Variants in STPG2 observed in about 807,000 individuals in gnomAD.
STPG2 encodes the protein sperm-tail PG-rich repeat-containing protein 2.
STPG2 carries 56 observed loss-of-function variants against 54.2 expected under a neutral mutation model. The observed-to-expected ratio is 1.03, with a 90% CI of 0.83 to 1.29. The LOEUF (loss-of-function observed/expected upper bound fraction) is 1.29. Among genes scored for constraint, STPG2 ranks in the 50% most tolerant of loss-of-function variants. The probability of loss-of-function intolerance (pLI) is 0.00; values close to 1 mark genes in which losing one functional copy is unlikely to be tolerated. For synonymous variants in STPG2, 200 were observed against 181.8 expected (o/e 1.10, Z -0.81); for missense variants, 596 against 544.9 (o/e 1.09, Z -0.93).
At chr4:97,449,105 C>T (rs987555939) in intron 4 of STPG2, among the ~76,000 whole-genome samples, 5 of 151,764 alleles carry the variant, frequency 3.3e-5, no homozygotes, top group Admixed American at 6.6e-5. Context: ...ATAAAAGTTA[C>T]AAGTCATGAA....
At chr4:97,579,175 G>T (rs546376705) in intron 10 of STPG2, among the ~76,000 whole-genome samples, 1 of 151,928 alleles carries the variant, frequency 6.6e-6, no homozygotes, top group African/African-American at 2.4e-5. Context: ...ATTAGTTATG[G>T]CTATTAAATG....
At chr4:97,916,413 A>T (rs1370279921) in intron 8 of STPG2, 1 of 152,624 alleles carries the variant, frequency 6.6e-6, no homozygotes, top group Non-Finnish European at 1.5e-5. Flanking sequence ...GGAAGGCATC[A>T]CTGACCTCCT....
At chr4:97,957,826 A>G (rs2149245573) in intron 7 of STPG2, among the ~76,000 whole-genome samples, 1 of 152,306 alleles carries the variant, frequency 6.6e-6, no homozygotes, top group South Asian at 2.1e-4. Context: ...ACTGAGCTTC[A>G]GGAATGAAGG....
chr4:97,595,377 C>T (rs1213448590), intron 10 of STPG2, among the ~76,000 whole-genome samples: 2 of 151,992 alleles, frequency 1.3e-5, no homozygotes, highest in African/African-American at 2.4e-5. Context: ...CATGTTCTCA[C>T]TCATAGGTGG....
intron 8 of STPG2, among the ~76,000 whole-genome samples, chr4:97,885,136 G>A (rs943871578): frequency 7.3e-5 from 11 of 151,424 alleles, no homozygotes; most frequent in African/African-American, 2.7e-4. Context: ...ATATCAATGT[G>A]GGAAAGTCTA....
intron 4 of STPG2, among the ~76,000 whole-genome samples, chr4:97,453,152 G>T (rs1455159040): frequency 6.6e-6 from 1 of 152,190 alleles, no homozygotes; most frequent in Non-Finnish European, 1.5e-5. Context: ...CCCTCTTTGG[G>T]GTCCTGCAGT....
intron 5 of STPG2, among the ~76,000 whole-genome samples, chr4:98,082,988 G>GCACTATATT (rs1168528162): frequency 6.6e-6 from 1 of 152,050 alleles, no homozygotes; most frequent in Non-Finnish European, 1.5e-5. Context: ...TGCCCTTATA[G>GCACTATATT]TATAAATAGC....
At chr4:97,673,962 A>G (rs1280297409) in intron 10 of STPG2, among the ~76,000 whole-genome samples, 1 of 152,214 alleles carries the variant, frequency 6.6e-6, no homozygotes, top group African/African-American at 2.4e-5. Flanking sequence ...AAATTTACTT[A>G]AAATGTCCTT....
chr4:98,011,006 C>T (rs1364695717), intron 5 of STPG2, among the ~76,000 whole-genome samples: 2 of 152,046 alleles, frequency 1.3e-5, no homozygotes, highest in African/African-American at 4.8e-5. Context: ...GCAGAACGTG[C>T]AGGTTTGATA....
intron 4 of STPG2, among the ~76,000 whole-genome samples, chr4:97,551,332 T>C (rs748439494): frequency 6.6e-6 from 1 of 152,100 alleles, no homozygotes; most frequent in Non-Finnish European, 1.5e-5. Flanking sequence ...TAATTAAAAA[T>C]TAATAAGCCT....
At chr4:97,518,449 T>A (rs1731118132) in intron 4 of STPG2, among the ~76,000 whole-genome samples, 1 of 152,096 alleles carries the variant, frequency 6.6e-6, no homozygotes, top group Non-Finnish European at 1.5e-5. Context: ...TATGACATGA[T>A]AACACAAATC....
chr4:97,695,624 G>T (rs946141810), intron 10 of STPG2, among the ~76,000 whole-genome samples: 3 of 151,714 alleles, frequency 2.0e-5, no homozygotes, highest in Non-Finnish European at 4.4e-5. Flanking sequence ...AAAGCCCCTA[G>T]AACTGAAAAA....
At chr4:97,941,514 T>C (rs1278524862) in intron 8 of STPG2, among the ~76,000 whole-genome samples, 7 of 152,058 alleles carry the variant, frequency 4.6e-5, no homozygotes, top group Admixed American at 4.6e-4. Context: ...GCTTATGTCA[T>C]GGTTTTTTTA....
At chr4:97,687,593 G>A (rs1443983577) in intron 10 of STPG2, among the ~76,000 whole-genome samples, 1 of 152,042 alleles carries the variant, frequency 6.6e-6, no homozygotes, top group East Asian at 1.9e-4. Context: ...ATCAGCCTTG[G>A]CCTCCCAAAG....
In STPG2 at chr4:97,848,477, C is replaced by A. The variant is rs552827984; in HGVS notation, c.1045-7545G>T. ...ATTAGTGAAAAATGACAGTAGGAAT[C>A]TAGGGGTATACAAGCTCCATAATAT... is the stretch of plus-strand genomic sequence containing the variant. On this transcript the variant is annotated intron_variant, in intron 8 of 10. Coordinates refer to ENST00000295268, the MANE Select transcript of STPG2 (RefSeq NM_174952.3). Among the ~76,000 whole-genome samples, 7 of 152,142 alleles carry A rather than the reference C, an allele frequency of 4.6e-5. No homozygotes were observed. The South Asian group carries it at 1.5e-3, about 32-fold the overall frequency.
At chr4:97,639,166 T>TA (rs1205968194) in intron 10 of STPG2, among the ~76,000 whole-genome samples, 1 of 151,946 alleles carries the variant, frequency 6.6e-6, no homozygotes, top group Non-Finnish European at 1.5e-5. Flanking sequence ...TATGCAGCCA[T>TA]AAAAAATGAT....
chr4:97,760,544 T>G (rs1219578072), intron 9 of STPG2, among the ~76,000 whole-genome samples: 65 of 152,150 alleles, frequency 4.3e-4, no homozygotes, highest in Admixed American at 4.3e-3. Flanking sequence ...TCTTTAAAAT[T>G]CCATCCAACC....
At chr4:97,963,205 T>A (rs1296400308) in intron 7 of STPG2, among the ~76,000 whole-genome samples, 1 of 151,894 alleles carries the variant, frequency 6.6e-6, no homozygotes, top group Non-Finnish European at 1.5e-5. Context: ...TAATTATTTT[T>A]ATCTAAATGT....
chr4:97,635,242 G>A (rs1256965811), intron 10 of STPG2, among the ~76,000 whole-genome samples: 6 of 152,148 alleles, frequency 3.9e-5, no homozygotes, highest in Non-Finnish European at 8.8e-5. Context: ...GCCAAACTAA[G>A]CTTCATAAGT....
Sources: allele counts gnomAD v4.1 joint callset (sites outside exome capture counted in the v4.1 genomes callset), GRCh38; gene constraint gnomAD v4.1.1; transcripts MANE v1.5; gene names NCBI Gene and HGNC (gene_info 2026-07-23, HGNC 2026-07-21).